The following NUCKS1 variants were observed in gnomAD, a reference collection of about 807,000 sequenced individuals.
The protein encoded by NUCKS1 is nuclear ubiquitous casein and cyclin-dependent kinase substrate 1.
Under a neutral mutation model 33.0 loss-of-function variants are expected in NUCKS1, and 2 were observed. The ratio of observed to expected loss-of-function variants is 0.06; its 90% CI spans 0.02 to 0.19. The LOEUF (loss-of-function observed/expected upper bound fraction) is 0.19. Among genes scored for constraint, NUCKS1 ranks in the 10% least tolerant of loss-of-function variants. NUCKS1 has a pLI of 1.00. For missense variants in NUCKS1, 201 were observed against 293.6 expected (o/e 0.68, Z 2.31); for synonymous variants, 106 against 102.8 (o/e 1.03, Z -0.19).
At chr1:205,724,293 C>T (rs1671967161) in intron 3 of NUCKS1, among the ~76,000 whole-genome samples, 1 of 152,096 alleles carries the variant, frequency 6.6e-6, no homozygotes. Flanking sequence ...GAAAAATATT[C>T]TCGAACAGAG....
At chr1:205,743,228 T>G (rs1006398550) in intron 1 of NUCKS1, among the ~76,000 whole-genome samples, 2 of 152,244 alleles carry the variant, frequency 1.3e-5, no homozygotes, top group East Asian at 1.9e-4. Flanking sequence ...AAATTAGCTT[T>G]CTTTCTTAAC....
chr1:205,735,737 A>G (rs1424443362), intron 1 of NUCKS1, among the ~76,000 whole-genome samples: 2 of 152,246 alleles, frequency 1.3e-5, no homozygotes, highest in African/African-American at 4.8e-5. Context: ...TATAAATATC[A>G]ATAACAGCTA....
rs779049356 is a variant in NUCKS1 at position 205,729,562 on chromosome 1, C to T, written c.67+10G>A. On this transcript the variant is annotated intron_variant, in intron 2 of 6. Coordinates refer to ENST00000367142, the MANE Select transcript of NUCKS1 (RefSeq NM_022731.5). ...TCCAACTTAAAATTTGTTGAAACCA[C>T]AAAACTTACCTGCATCATCAGATTC... 3.1e-6 allele frequency: 5 copies of T among 1,610,046 alleles called. No individual in the cohort carries two copies. The Admixed American group carries it at 6.7e-5, about 21-fold the overall frequency.
intron 1 of NUCKS1, among the ~76,000 whole-genome samples, chr1:205,743,798 A>C (rs1480160627): frequency 6.6e-6 from 1 of 152,216 alleles, no homozygotes; most frequent in African/African-American, 2.4e-5. Context: ...TAAAGTTAGA[A>C]GTTTCCAAGA....
At chr1:205,746,120 A>T (rs1654316569) in intron 1 of NUCKS1, among the ~76,000 whole-genome samples, 1 of 150,756 alleles carries the variant, frequency 6.6e-6, no homozygotes, top group Non-Finnish European at 1.5e-5. Flanking sequence ...ACATGGTGAA[A>T]CCCTGTCCCT....
Position 205,717,760 on chromosome 1 carries a change from T to C in NUCKS1, c.*520A>G, listed in dbSNP as rs1285041729. 9 of 984,798 alleles carry C rather than the reference T, an allele frequency of 9.1e-6. No individual in the cohort carries two copies. The highest frequency in any genetic ancestry group is 6.1e-5 in the Admixed American group (1 of 16,270). The allele number at this position is 984,798 out of a possible 1,614,324, so 61.0% of individuals were successfully genotyped here. A position where few individuals can be genotyped will look rare whatever the true frequency, so the allele number is the denominator to read the frequency against. On this transcript the variant is annotated 3_prime_UTR_variant, in exon 7 of 7. Transcript: ENST00000367142. ...TTTTAGACATTGATACTTGTGTCTA[T>C]AGACAAATAAACTCATATTAGATGA...
chr1:205,746,056 G>A (rs1323672932), intron 1 of NUCKS1, among the ~76,000 whole-genome samples: 1 of 152,212 alleles, frequency 6.6e-6, no homozygotes, highest in Non-Finnish European at 1.5e-5. Flanking sequence ...AGCACTTTGG[G>A]AGGCTGAAGT....
At chr1:205,742,352 T>C (rs1298464624) in intron 1 of NUCKS1, among the ~76,000 whole-genome samples, 2 of 152,238 alleles carry the variant, frequency 1.3e-5, no homozygotes, top group African/African-American at 4.8e-5. Context: ...TCTCTTCATC[T>C]AAAGTGTTTC....
intron 1 of NUCKS1, among the ~76,000 whole-genome samples, chr1:205,746,122 C>T (rs1055951463): frequency 6.7e-6 from 1 of 150,196 alleles, no homozygotes; most frequent in Non-Finnish European, 1.5e-5. Context: ...ATGGTGAAAC[C>T]CTGTCCCTAC....
intron 1 of NUCKS1, among the ~76,000 whole-genome samples, chr1:205,746,265 C>T (rs1056423863): frequency 6.6e-6 from 1 of 152,038 alleles, no homozygotes. Context: ...ATTGCACTCC[C>T]GCCTGGGCAA....
chr1:205,723,082 T>C (rs889274462), intron 4 of NUCKS1, among the ~76,000 whole-genome samples: 1 of 152,212 alleles, frequency 6.6e-6, no homozygotes. Context: ...GATCACCAGA[T>C]AGTGCAAAAG....
chr1:205,725,700 C>T (rs935166999), intron 3 of NUCKS1, among the ~76,000 whole-genome samples: 10 of 152,208 alleles, frequency 6.6e-5, no homozygotes, highest in African/African-American at 2.2e-4. Context: ...AATAAATACA[C>T]AAGGCATACA....
In NUCKS1 at chr1:205,715,444, A is replaced by C. The variant is rs1203298174; in HGVS notation, c.*2836T>G. 2 of 152,236 alleles carry C rather than the reference A, an allele frequency of 1.3e-5. No homozygotes were observed. Among genetic ancestry groups the C allele is most frequent in the Non-Finnish European group, 2.9e-5 (2 of 68,048 alleles). The allele number at this position is 152,236 out of a possible 1,614,324, so 9.4% of individuals were successfully genotyped here. A position where few individuals can be genotyped will look rare whatever the true frequency, so the allele number is the denominator to read the frequency against. On this transcript the variant is annotated 3_prime_UTR_variant, in exon 7 of 7. Transcript: ENST00000367142. Reference sequence around the variant, plus strand: ...GAGGAGATGTTTTAGAAAGCAGGACAAATCTACCTACCATTACTGGAATTA... The same window carrying C: ...GAGGAGATGTTTTAGAAAGCAGGACCAATCTACCTACCATTACTGGAATTA...
rs116518894 is a variant in NUCKS1, at chr1:205,722,691, C to T, written c.229+1235G>A. On this transcript the variant is annotated intron_variant, in intron 4 of 6. Coordinates refer to ENST00000367142, the MANE Select transcript of NUCKS1 (RefSeq NM_022731.5). ...GGCGGGTGGGAGCCACCATGCTCAG[C>T]CTAAAAAAAATTTTTTTAACACACA... is the stretch of plus-strand genomic sequence containing the variant. Among the ~76,000 whole-genome samples, 1,131 of 152,320 alleles carry T rather than the reference C, an allele frequency of 7.4e-3. 11 individuals carry two copies. Among genetic ancestry groups the T allele is most frequent in the African/African-American group, 0.026 (1,083 of 41,568 alleles).
rs564505381 is a variant in NUCKS1, at chr1:205,718,213, C to T, written c.*67G>A. The stretch of plus-strand genomic sequence containing the variant: ...CTATCTTAAGTAGGTTCTTTTTTTT[C>T]CTCCCTCTTTTTTCTTTTTTTTTCT... On this transcript the variant is annotated 3_prime_UTR_variant, in exon 7 of 7. Transcript: ENST00000367142. The T allele has an allele frequency of 5.7e-5, 85 of 1,493,044 alleles. No individual in the cohort carries two copies. Among genetic ancestry groups the T allele is most frequent in the Non-Finnish European group, 5.0e-5 (57 of 1,130,132 alleles). 92.5% of individuals were successfully genotyped at this position (1,493,044 alleles called of 1,614,324 possible). A position where few individuals can be genotyped will look rare whatever the true frequency, so the allele number is the denominator to read the frequency against.
Position 205,750,154 on chromosome 1 carries a change from C to A in NUCKS1, c.-181G>T. On this transcript the variant is annotated 5_prime_UTR_variant, in exon 1 of 7. Coordinates refer to ENST00000367142, the MANE Select transcript of NUCKS1 (RefSeq NM_022731.5). ...TCAGGGCTCCTGGAACAGACGAGCC[C>A]CCCGCTCCCCCGTCTCTTCAAAATG... The A allele has an allele frequency of 3.1e-6, 2 of 643,728 alleles. No homozygotes were observed. The highest frequency in any genetic ancestry group is 5.3e-5 in the Admixed American group (2 of 37,414). 39.9% of individuals were successfully genotyped at this position (643,728 alleles called of 1,614,324 possible).
intron 1 of NUCKS1, among the ~76,000 whole-genome samples, chr1:205,734,787 C>T (rs966415778): frequency 3.7e-4 from 57 of 152,012 alleles, no homozygotes; most frequent in African/African-American, 1.3e-3. Context: ...CCCAGCTACT[C>T]GGGAGGCTGA....
In NUCKS1 at chr1:205,718,228, TTTTTTTTTC is replaced by T. The variant is rs1457095506; in HGVS notation, c.*43_*51del. Reference sequence around the variant, plus strand: ...TCTTTTTTTTCCTCCCTCTTTTTTCTTTTTTTTTCTTTTTTTTTTTAATAAAATCTCTCC... The same window carrying T: ...TCTTTTTTTTCCTCCCTCTTTTTTCTTTTTTTTTTTTAATAAAATCTCTCC... On this transcript the variant is annotated 3_prime_UTR_variant, in exon 7 of 7. Coordinates refer to ENST00000367142, the MANE Select transcript of NUCKS1 (RefSeq NM_022731.5). 3,464 of 837,872 alleles carry T rather than the reference TTTTTTTTTC, an allele frequency of 4.1e-3. No homozygotes were observed. Among genetic ancestry groups the T allele is most frequent in the Non-Finnish European group, 4.7e-3 (2,866 of 604,648 alleles). The allele number at this position is 837,872 out of a possible 1,614,324, so 51.9% of individuals were successfully genotyped here. A position where few individuals can be genotyped will look rare whatever the true frequency, so the allele number is the denominator to read the frequency against.
At chr1:205,727,625 A>G (rs1653811904) in intron 3 of NUCKS1, 75 bp downstream of exon 3, 2 of 989,154 alleles carry the variant, frequency 2.0e-6, no homozygotes, top group Non-Finnish European at 3.2e-6. Context: ...GATTCCAACA[A>G]TTTAGAGATC....
Sources: gnomAD v4.1 joint callset for allele counts (sites outside exome capture counted in the v4.1 genomes callset) on GRCh38, gnomAD v4.1.1 for gene constraint, MANE v1.5 for transcripts, NCBI Gene and HGNC (gene_info 2026-07-23, HGNC 2026-07-21) for gene names.